Variants in CYRIA observed in about 807,000 individuals in gnomAD.
CYRIA encodes the protein CYFIP related Rac1 interactor A.
In CYRIA, 15 loss-of-function variants were observed where a neutral mutation model predicts 43.9. That is an observed-to-expected ratio of 0.34 (90% CI 0.23 to 0.53). The LOEUF is 0.53. Ranked by LOEUF, CYRIA falls within the 20% of genes least tolerant of loss-of-function variation. The pLI, the probability that CYRIA is intolerant of heterozygous loss-of-function variation, is 0.94. For synonymous variants in CYRIA, 117 were observed against 136.0 expected (o/e 0.86, Z 0.97); for missense variants, 236 against 394.2 (o/e 0.60, Z 3.40).
At chr2:16,585,098 C>T (rs1001575112) in intron 3 of CYRIA, among the ~76,000 whole-genome samples, 152 of 152,208 alleles carry the variant, frequency 1.0e-3, no homozygotes, top group African/African-American at 3.5e-3. Flanking sequence ...ATTCAACATG[C>T]CCTTAGTGGA....
chr2:16,648,643 T>C (rs1669885663), intron 1 of CYRIA, among the ~76,000 whole-genome samples: 1 of 152,268 alleles, frequency 6.6e-6, no homozygotes, highest in Admixed American at 6.5e-5. Flanking sequence ...TAATCTTAAA[T>C]AGACTTCAGA....
At chr2:16,599,647 G>A (rs1306809036) in intron 2 of CYRIA, among the ~76,000 whole-genome samples, 1 of 148,120 alleles carries the variant, frequency 6.8e-6, no homozygotes, top group Non-Finnish European at 1.5e-5. Flanking sequence ...TCCCTAGTGA[G>A]ATGAACCCGG....
At chr2:16,645,848 T>C (rs1298386969) in intron 1 of CYRIA, among the ~76,000 whole-genome samples, 1 of 152,160 alleles carries the variant, frequency 6.6e-6, no homozygotes, top group Non-Finnish European at 1.5e-5. Context: ...GCCTGGTAAT[T>C]TGGAGGGTAT....
At chr2:16,651,331 C>T (rs978451323) in intron 1 of CYRIA, among the ~76,000 whole-genome samples, 10 of 152,188 alleles carry the variant, frequency 6.6e-5, no homozygotes, top group African/African-American at 2.2e-4. Context: ...AATTATCATC[C>T]TAGAAAAATT....
intron 3 of CYRIA, among the ~76,000 whole-genome samples, chr2:16,581,759 T>C (rs1281299877): frequency 6.6e-6 from 1 of 152,272 alleles, no homozygotes; most frequent in South Asian, 2.1e-4. Flanking sequence ...AGAATGTTTA[T>C]AGCACAATTA....
chr2:16,585,232 T>A (rs1003265500), intron 3 of CYRIA, among the ~76,000 whole-genome samples: 2 of 152,064 alleles, frequency 1.3e-5, no homozygotes, highest in African/African-American at 2.4e-5. Flanking sequence ...ATAAAAAAAT[T>A]TTTTTTCCAT....
At chr2:16,591,412 A>G (rs535744954) in intron 2 of CYRIA, among the ~76,000 whole-genome samples, 1 of 152,298 alleles carries the variant, frequency 6.6e-6, no homozygotes, top group African/African-American at 2.4e-5. Context: ...AGGTTATACT[A>G]GAGAAGTACA....
At chr2:16,627,232 G>A (rs993422684) in intron 1 of CYRIA, among the ~76,000 whole-genome samples, 1 of 151,842 alleles carries the variant, frequency 6.6e-6, no homozygotes, top group African/African-American at 2.4e-5. Context: ...ACTACGGGAG[G>A]CCGAAAGGGC....
chr2:16,646,195 T>C (rs10514636), intron 1 of CYRIA, among the ~76,000 whole-genome samples: 13,170 of 152,224 alleles, frequency 0.087, 1,358 homozygotes, highest in African/African-American at 0.24. Context: ...GGTACACTTG[T>C]GGTCTAAGGA....
intron 10 of CYRIA, among the ~76,000 whole-genome samples, chr2:16,555,724 C>T (rs998649071): frequency 2.6e-5 from 4 of 152,108 alleles, no homozygotes; most frequent in South Asian, 2.1e-4. Context: ...GCTCCCAATA[C>T]GACTCTGTCA....
chr2:16,657,232 G>A (rs1024924), intron 1 of CYRIA, among the ~76,000 whole-genome samples: 19,318 of 152,138 alleles, frequency 0.13, 1,526 homozygotes, highest in African/African-American at 0.21. Context: ...ATGTTCTCAC[G>A]CTCGGCTGAG....
chr2:16,576,454 G>C (rs1317315524), intron 3 of CYRIA, among the ~76,000 whole-genome samples: 2 of 152,158 alleles, frequency 1.3e-5, no homozygotes, highest in Non-Finnish European at 2.9e-5. Context: ...CAGAAAGGAA[G>C]ATGTAAAATA....
At chr2:16,592,626 GAC>G (rs1667968612) in intron 2 of CYRIA, among the ~76,000 whole-genome samples, 1 of 152,148 alleles carries the variant, frequency 6.6e-6, no homozygotes, top group African/African-American at 2.4e-5. Flanking sequence ...CAGGGATTAA[GAC>G]ACAGTCTTGA....
chr2:16,576,364 A>T (rs1667347872), intron 3 of CYRIA, among the ~76,000 whole-genome samples: 1 of 152,256 alleles, frequency 6.6e-6, no homozygotes, highest in African/African-American at 2.4e-5. Context: ...AATAAAAGTC[A>T]TCATGCAGTG....
chr2:16,565,109 G>GTTATAGAT (rs1666879316), intron 4 of CYRIA, among the ~76,000 whole-genome samples: 1 of 151,764 alleles, frequency 6.6e-6, no homozygotes, highest in Non-Finnish European at 1.5e-5. Flanking sequence ...AAGAGAATGG[G>GTTATAGAT]TAATATTAAT....
intron 1 of CYRIA, among the ~76,000 whole-genome samples, chr2:16,632,236 G>A (rs372076640): frequency 1.3e-5 from 2 of 152,280 alleles, no homozygotes; most frequent in Non-Finnish European, 2.9e-5. Flanking sequence ...GCCCTTCAGC[G>A]GAGTGTTTCT....
At chr2:16,612,420 G>A (rs1668636045) in intron 2 of CYRIA, among the ~76,000 whole-genome samples, 1 of 152,076 alleles carries the variant, frequency 6.6e-6, no homozygotes, top group Admixed American at 6.6e-5. Flanking sequence ...GAATAAAAAT[G>A]GTTCCACCAT....
At chr2:16,587,265 T>C (rs142391805) in intron 3 of CYRIA, among the ~76,000 whole-genome samples, 82 of 152,306 alleles carry the variant, frequency 5.4e-4, no homozygotes, top group African/African-American at 1.9e-3. Context: ...TGAATCTTTG[T>C]AAATTACTGT....
chr2:16,615,711 T>C (rs1487542285), intron 2 of CYRIA, among the ~76,000 whole-genome samples: 4 of 152,350 alleles, frequency 2.6e-5, no homozygotes, highest in East Asian at 1.9e-4. Flanking sequence ...TCTGTTATAA[T>C]AGAAAATCTA....
Sources: gnomAD v4.1 joint callset for allele counts (sites outside exome capture counted in the v4.1 genomes callset) on GRCh38, gnomAD v4.1.1 for gene constraint, MANE v1.5 for transcripts, NCBI Gene and HGNC (gene_info 2026-07-23, HGNC 2026-07-21) for gene names.